The following TRPM2 variants were observed in gnomAD, a reference collection of about 807,000 sequenced individuals.
TRPM2 encodes transient receptor potential cation channel subfamily M member 2, also known as estrogen-responsive element-associated gene 1 protein.
TRPM2 carries 161 observed loss-of-function variants against 174.0 expected under a neutral mutation model. The ratio of observed to expected loss-of-function variants is 0.93; its 90% CI spans 0.81 to 1.05. The LOEUF is 1.05. TRPM2 is among the 50% of genes least tolerant of loss of function. TRPM2 has a pLI of 0.00. For missense variants in TRPM2, 2,057 were observed against 2,038.0 expected, an observed-to-expected ratio of 1.01 and a Z score of -0.18; for synonymous variants, 954 against 861.3, an observed-to-expected ratio of 1.11 and a Z score of -1.88.
chr21:44,422,158 C>T, intron 22 of TRPM2: 21 of 1,295,458 alleles, frequency 1.6e-5, no homozygotes, highest in Non-Finnish European at 2.1e-5. Flanking sequence ...AGCCTGGTCA[C>T]CGTCCCCTCC....
At chr21:44,407,868 T>C (rs2049958254) in intron 19 of TRPM2, among the ~76,000 whole-genome samples, 1 of 151,516 alleles carries the variant, frequency 6.6e-6, no homozygotes, top group South Asian at 2.1e-4. Context: ...CACTTTTCCT[T>C]TTTTTTAAAA....
chr21:44,406,232 TCCCTCATTCTC>T (rs2049870554), intron 18 of TRPM2, among the ~76,000 whole-genome samples, 195 bp downstream of exon 18: 1 of 152,060 alleles, frequency 6.6e-6, no homozygotes, highest in Non-Finnish European at 1.5e-5. Context: ...CAGGAAGCCT[TCCCTCATTCTC>T]CCCTCTGATC....
chr21:44,418,247 C>T, intron 21 of TRPM2, 139 bp downstream of exon 21: 2 of 1,384,580 alleles, frequency 1.4e-6, no homozygotes, highest in Non-Finnish European at 1.9e-6. Flanking sequence ...CTTCTGCTGG[C>T]CTTGAGCAAG....
At chr21:44,400,223 T>C (rs1382507013) in intron 14 of TRPM2, 36 bp from the exon 15 acceptor site, 1 of 1,578,196 alleles carries the variant, frequency 6.3e-7, no homozygotes, top group Non-Finnish European at 8.7e-7. Flanking sequence ...GGCACAGGGC[T>C]GGGCACTGCC....
At chr21:44,428,602 TCCTCCC>T (rs2050904386) in intron 27 of TRPM2, among the ~76,000 whole-genome samples, 1 of 146,794 alleles carries the variant, frequency 6.8e-6, no homozygotes, top group Admixed American at 6.7e-5. Flanking sequence ...TAGGTGTGGC[TCCTCCC>T]CTTAGGTCTG....
At position 44,371,110 on chromosome 21, in the gene TRPM2, C is replaced by T. The variant is rs1371022418; in HGVS notation, c.771+1767C>T. ...GCCATCATCCAGCCATCGGTGTTGG[C>T]GGGGCCACCTCCCTCTAGGGCCTAG... On this transcript the variant is annotated intron_variant, in intron 5 of 31. Transcript: ENST00000397928. 3.3e-5 allele frequency among the ~76,000 whole-genome samples: 5 copies of T among 152,348 alleles called. No homozygotes were observed. In the East Asian group the frequency reaches 5.8e-4, roughly 18 times the overall value.
intron 12 of TRPM2, among the ~76,000 whole-genome samples, chr21:44,397,325 C>T (rs1239404520): frequency 6.6e-6 from 1 of 152,128 alleles, no homozygotes; most frequent in African/African-American, 2.4e-5. Context: ...GCGTAAGCCA[C>T]TGCATCCGGC....
intron 20 of TRPM2, chr21:44,414,782 G>A (rs759681824): frequency 2.0e-5 from 3 of 152,264 alleles, no homozygotes; most frequent in African/African-American, 7.2e-5. Context: ...CATAGGTCTC[G>A]TGTGCACATT....
In TRPM2 at chr21:44,404,488, C is replaced by T. The variant is rs142397262; in HGVS notation, c.2539-654C>T. On this transcript the variant is annotated intron_variant, in intron 16 of 31. Coordinates refer to ENST00000397928, the MANE Select transcript of TRPM2 (RefSeq NM_003307.4). Reference sequence around the variant, plus strand: ...CACAGGTGCTGAGTGAGCAGGGGGCCGAGGTAGCTGCTGCCAGCGCTATTC... The same window carrying T: ...CACAGGTGCTGAGTGAGCAGGGGGCTGAGGTAGCTGCTGCCAGCGCTATTC... 4.8e-3 allele frequency among the ~76,000 whole-genome samples: 731 copies of T among 152,308 alleles called. 7 individuals are homozygous for T. The highest frequency in any genetic ancestry group is 0.016 in the African/African-American group (666 of 41,562).
In TRPM2 at chr21:44,377,045, G is replaced by A. The variant is rs560848748; in HGVS notation, c.953-667G>A. Among the ~76,000 whole-genome samples, 21 of 151,664 alleles carry A rather than the reference G, an allele frequency of 1.4e-4. No individual in the cohort carries two copies. The South Asian group carries it at 4.2e-3, about 30-fold the overall frequency. ...GAACCTGCTTGACTAGTAGGAGCAC[G>A]TTCCCTGGTGAGGGCGATGCTGCAG... On this transcript the variant is annotated intron_variant, in intron 6 of 31. Coordinates refer to ENST00000397928, the MANE Select transcript of TRPM2 (RefSeq NM_003307.4).
intron 22 of TRPM2, chr21:44,422,415 G>A (rs1272726144): frequency 3.9e-6 from 6 of 1,536,098 alleles, no homozygotes; most frequent in Non-Finnish European, 5.2e-6. Context: ...GGGAAAACAT[G>A]GCAGGTGCGG....
At chr21:44,434,250 C>T (rs1009626603) in intron 27 of TRPM2, among the ~76,000 whole-genome samples, 9 of 151,506 alleles carry the variant, frequency 5.9e-5, no homozygotes, top group Non-Finnish European at 7.4e-5. Context: ...GTGGTGGGGA[C>T]GGTGGCGGGG....
At chr21:44,425,339 C>T in intron 24 of TRPM2, 1 of 407,718 alleles carries the variant, frequency 2.5e-6, no homozygotes, top group East Asian at 3.7e-5. Flanking sequence ...ACATCAGTAG[C>T]CTTCCTCGGG....
chr21:44,436,924 G>T, intron 28 of TRPM2, 138 bp from the exon 29 acceptor site: 1 of 669,670 alleles, frequency 1.5e-6, no homozygotes. Context: ...TGGGGATGAA[G>T]AACTTGAAAA....
rs2048791288 is a variant in TRPM2, at chr21:44,379,000, A to T, written c.1018A>T (p.Ile340Phe). The change falls in exon 8 of 32, where the codon ATC (isoleucine) becomes TTC (phenylalanine). Residue 340 changes from isoleucine to phenylalanine, a missense_variant. By Grantham distance (21) the Ile-to-Phe change is conservative. Coordinates refer to ENST00000397928, the MANE Select transcript of TRPM2 (RefSeq NM_003307.4). ...LEGGPGTLHTIDNATTNGTPC... is the reference protein window; with the variant it reads ...LEGGPGTLHTFDNATTNGTPC... ...CACACCCCCACCTGCCTTGCAGACC[A>T]TCGACAACGCCACCACCAACGGCAC... 2 of 1,604,450 alleles carry T rather than the reference A, an allele frequency of 1.2e-6. No homozygotes were observed. Among genetic ancestry groups the T allele is most frequent in the African/African-American group, 2.7e-5 (2 of 74,864 alleles).
chr21:44,436,106 C>T (rs2051255896), intron 28 of TRPM2, among the ~76,000 whole-genome samples: 1 of 152,182 alleles, frequency 6.6e-6, no homozygotes, highest in Non-Finnish European at 1.5e-5. Context: ...GACACAGCTC[C>T]ACACTCACCC....
upstream of TRPM2, among the ~76,000 whole-genome samples, chr21:44,352,178 C>T (rs1051185071): frequency 4.6e-5 from 7 of 152,316 alleles, no homozygotes; most frequent in African/African-American, 1.2e-4. Context: ...CCAGTGGCTG[C>T]GGGGACAGCT....
In TRPM2 at chr21:44,366,567, C is replaced by T. The variant is rs2048367836; in HGVS notation, c.424-187C>T. ...GATGGCCTGATGCTCCTGGCTTGGGCCTCTCTGCCTCCCTCTTCTCTCGTG... is the reference window on the plus strand; with the variant it reads ...GATGGCCTGATGCTCCTGGCTTGGGTCTCTCTGCCTCCCTCTTCTCTCGTG... On this transcript the variant is annotated intron_variant, in intron 3 of 31. Transcript: ENST00000397928. This position sits in a 1 kb window ranked among gnomAD's most constrained non-coding sequence, Gnocchi z 6.0. Among the ~76,000 whole-genome samples, 1 of 152,182 alleles carries T rather than the reference C, an allele frequency of 6.6e-6. No individual in the cohort carries two copies. Among genetic ancestry groups the T allele is most frequent in the African/African-American group, 2.4e-5 (1 of 41,442 alleles).
rs1452677871 is a variant in TRPM2 at position 44,366,962 on chromosome 21, G to T, written c.604+28G>T. 6.5e-7 allele frequency: 1 copy of T among 1,548,712 alleles called. No homozygotes were observed. ...AACTCGGAGGCTGGAGGGACACGAG[G>T]CCCCGGCGGGTGGGGTGGGCTGTGG... On this transcript the variant is annotated intron_variant, in intron 4 of 31. Coordinates refer to ENST00000397928, the MANE Select transcript of TRPM2 (RefSeq NM_003307.4). The surrounding 1 kb of genome is among the most constrained non-coding windows in gnomAD (Gnocchi z 6.0).
Sources: gnomAD v4.1 joint callset for allele counts (sites outside exome capture counted in the v4.1 genomes callset) on GRCh38, gnomAD v4.1.1 for gene constraint, Gnocchi (gnomAD v3.1) non-coding constraint, MANE v1.5 for transcripts, NCBI Gene and HGNC (gene_info 2026-07-23, HGNC 2026-07-21) for gene names.